The following ENPP2 variants were observed in gnomAD, a reference collection of about 807,000 sequenced individuals.
The protein encoded by ENPP2 is autotaxin.
Under a neutral mutation model 120.2 loss-of-function variants are expected in ENPP2, and 51 were observed. The observed-to-expected ratio is 0.42, with a 90% CI of 0.34 to 0.54. The LOEUF is 0.54. Ranked by LOEUF, ENPP2 falls within the 20% of genes least tolerant of loss-of-function variation. The pLI is 0.04. For synonymous variants in ENPP2, 365 were observed against 366.4 expected, an observed-to-expected ratio of 1.00 and a Z score of 0.04; for missense variants, 920 against 1,066.5, an observed-to-expected ratio of 0.86 and a Z score of 1.91.
chr8:119,617,619 G>A (rs1563738393), intron 5 of ENPP2, 56 bp from the exon 6 acceptor site: 10 of 1,203,068 alleles, frequency 8.3e-6, no homozygotes, highest in South Asian at 6.4e-5. Context: ...TTGCCATTAC[G>A]CCTAGTGATT....
intron 1 of ENPP2, among the ~76,000 whole-genome samples, chr8:119,652,244 A>T (rs1023388187): frequency 6.6e-6 from 1 of 152,108 alleles, no homozygotes; most frequent in Non-Finnish European, 1.5e-5. Context: ...TGACCCATTC[A>T]TGAAGCCTCT....
At chr8:119,593,086 C>G (rs1813654491) in intron 12 of ENPP2, 1 of 217,562 alleles carries the variant, frequency 4.6e-6, no homozygotes, top group Non-Finnish European at 7.8e-6. Flanking sequence ...GCCCCCACCC[C>G]CTGCACAGCT....
intron 22 of ENPP2, among the ~76,000 whole-genome samples, chr8:119,565,807 A>G (rs1814374988): frequency 6.6e-6 from 1 of 151,622 alleles, no homozygotes; most frequent in Admixed American, 6.6e-5. Flanking sequence ...CTTGTAGCCC[A>G]CTCCCCCATA....
intron 13 of ENPP2, among the ~76,000 whole-genome samples, chr8:119,587,604 C>T (rs1813205041): frequency 2.0e-5 from 3 of 152,158 alleles, no homozygotes; most frequent in Admixed American, 2.0e-4. Context: ...GTAGCCGCAC[C>T]TCTCCAGCCA....
chr8:119,613,454 T>C (rs2130679348), intron 8 of ENPP2, among the ~76,000 whole-genome samples: 1 of 152,368 alleles, frequency 6.6e-6, no homozygotes, highest in East Asian at 1.9e-4. Flanking sequence ...CCATGTAATC[T>C]GACCCCTATG....
chr8:119,572,185 G>A (rs1028043146), intron 19 of ENPP2: 1 of 1,552,970 alleles, frequency 6.4e-7, no homozygotes, highest in South Asian at 1.2e-5. Context: ...CCTTTTCTAG[G>A]TTCAAAATTT....
intron 19 of ENPP2, among the ~76,000 whole-genome samples, chr8:119,576,940 C>T (rs1332804319): frequency 6.6e-6 from 1 of 152,096 alleles, no homozygotes; most frequent in Non-Finnish European, 1.5e-5. Flanking sequence ...GATTTGATTC[C>T]ATAACAGTTT....
At chr8:119,635,122 G>C (rs1043682325) in intron 2 of ENPP2, among the ~76,000 whole-genome samples, 2 of 152,134 alleles carry the variant, frequency 1.3e-5, no homozygotes, top group Non-Finnish European at 1.5e-5. Flanking sequence ...TCATTGCAGA[G>C]CAAAATTTCT....
intron 1 of ENPP2, among the ~76,000 whole-genome samples, chr8:119,669,528 A>T (rs1394524990): frequency 6.6e-6 from 1 of 152,230 alleles, no homozygotes; most frequent in African/African-American, 2.4e-5. Context: ...TATTGGGATC[A>T]TCTCAAAAAA....
intron 18 of ENPP2, 28 bp from the exon 19 acceptor site, chr8:119,580,195 A>T (rs1438585528): frequency 6.3e-7 from 1 of 1,577,548 alleles, no homozygotes; most frequent in South Asian, 1.1e-5. Flanking sequence ...AGTAAAGGAA[A>T]AAAGAAAGCA....
chr8:119,657,006 C>T lies in ENPP2; in HGVS notation c.21+16246G>A, dbSNP rs149827160. On this transcript the variant is annotated intron_variant, in intron 1 of 25. Transcript: ENST00000427067. ...GCAATGGCACTATCTTGGCTCAGTG[C>T]AACCTCTGCCTCCCAGTTTCAAGCG... Among the ~76,000 whole-genome samples, 890 of 152,254 alleles carry T rather than the reference C, an allele frequency of 5.8e-3. 9 individuals carry two copies. Among genetic ancestry groups the T allele is most frequent in the African/African-American group, 0.021 (855 of 41,546 alleles).
rs1386112950 is a variant in ENPP2, at chr8:119,635,867, AAACT to A, written c.136+2554_136+2557del. Reference sequence around the variant, plus strand: ...GTCTGTTTGCACTGCCACAACCTTGAAACTAACACCCCAGTCCATAGTACAGCAG... The same window carrying A: ...GTCTGTTTGCACTGCCACAACCTTGAAACACCCCAGTCCATAGTACAGCAG... On this transcript the variant is annotated intron_variant, in intron 2 of 24. Coordinates refer to ENST00000075322, the MANE Select transcript of ENPP2 (RefSeq NM_001040092.3). Among the ~76,000 whole-genome samples the A allele has an allele frequency of 4.6e-5, 7 of 152,344 alleles. No individual in the cohort carries two copies. The Middle Eastern group carries it at 0.014, about 296-fold the overall frequency.
At chr8:119,657,823 G>C (rs1817811282) in intron 1 of ENPP2, among the ~76,000 whole-genome samples, 1 of 152,178 alleles carries the variant, frequency 6.6e-6, no homozygotes, top group Non-Finnish European at 1.5e-5. Flanking sequence ...TGATGAATTG[G>C]AAGAGTGTGT....
At chr8:119,617,109 T>G in intron 7 of ENPP2, 55 bp downstream of exon 7, 2 of 1,097,218 alleles carry the variant, frequency 1.8e-6, no homozygotes, top group Non-Finnish European at 2.8e-6. Flanking sequence ...TCCTTTAAAG[T>G]CATTCCAGGA....
intron 1 of ENPP2, among the ~76,000 whole-genome samples, chr8:119,644,506 A>G (rs75963093): frequency 0.022 from 3,321 of 149,258 alleles, 75 homozygotes; most frequent in Middle Eastern, 0.1. Flanking sequence ...CCATTTGCTA[A>G]CACCCTAGAA....
intron 1 of ENPP2, among the ~76,000 whole-genome samples, chr8:119,656,156 C>G (rs1273109533): frequency 6.6e-6 from 1 of 152,176 alleles, no homozygotes; most frequent in African/African-American, 2.4e-5. Flanking sequence ...AAATATTTTG[C>G]AAAAGATGAT....
At chr8:119,632,856 G>C (rs1447452649) in intron 2 of ENPP2, among the ~76,000 whole-genome samples, 1 of 152,196 alleles carries the variant, frequency 6.6e-6, no homozygotes, top group Non-Finnish European at 1.5e-5. Context: ...GATCACCTGA[G>C]GTTGGGAGTT....
intron 3 of ENPP2, among the ~76,000 whole-genome samples, chr8:119,622,025 T>C (rs1240286755): frequency 6.6e-6 from 1 of 152,134 alleles, no homozygotes; most frequent in Non-Finnish European, 1.5e-5. Context: ...GCCTCCCTGG[T>C]TCAAGCGATT....
intron 2 of ENPP2, among the ~76,000 whole-genome samples, chr8:119,633,304 A>G (rs918997207): frequency 1.3e-5 from 2 of 152,128 alleles, no homozygotes; most frequent in East Asian, 3.9e-4. Context: ...CTTAGCCTAA[A>G]GGGGGAAGGT....
Sources: allele counts gnomAD v4.1 joint callset (sites outside exome capture counted in the v4.1 genomes callset), GRCh38; gene constraint gnomAD v4.1.1; transcripts MANE v1.5; gene names NCBI Gene and HGNC (gene_info 2026-07-23, HGNC 2026-07-21).